The following RAE1 variants were observed in gnomAD, a reference collection of about 807,000 sequenced individuals.
RAE1 encodes ribonucleic acid export 1, also known as mRNA export factor RAE1.
A neutral mutation model predicts 52.7 loss-of-function variants in RAE1; 13 were observed. The ratio of observed to expected loss-of-function variants is 0.25; its 90% CI spans 0.16 to 0.39. RAE1 has a LOEUF of 0.39. Ranked by LOEUF, RAE1 falls within the 10% of genes least tolerant of loss-of-function variation. The probability of loss-of-function intolerance (pLI) is 1.00; values close to 1 mark genes in which losing one functional copy is unlikely to be tolerated. For synonymous variants in RAE1, 164 were observed against 153.1 expected, an observed-to-expected ratio of 1.07 and a Z score of -0.52; for missense variants, 262 against 459.8, an observed-to-expected ratio of 0.57 and a Z score of 3.93.
Position 57,378,015 on chromosome 20 carries a change from A to G in RAE1, c.1023A>G (p.Gly341=). The change falls in exon 12 of 12, where the codon GGA becomes GGG. Residue 341 remains glycine (G), a splice_region_variant and synonymous_variant. Coordinates refer to ENST00000395841, the MANE Select transcript of RAE1 (RefSeq NM_003610.4). ...TTGGTGTTTTTTGCTCTCTTTAGGG[A>G]CATGAATTTTATAATCCCCAGAAAA... ...AYASSYDWSK[G]HEFYNPQKKN... The G allele has an allele frequency of 1.2e-6, 2 of 1,608,100 alleles. No individual in the cohort carries two copies. The highest frequency in any genetic ancestry group is 2.2e-5 in the South Asian group (2 of 90,794).
At chr20:57,362,998 C>G (rs2066910023) in intron 4 of RAE1, among the ~76,000 whole-genome samples, 1 of 152,164 alleles carries the variant, frequency 6.6e-6, no homozygotes, top group Non-Finnish European at 1.5e-5. Flanking sequence ...CGAGACTGAT[C>G]ACAAACTGCT....
intron 8 of RAE1, among the ~76,000 whole-genome samples, chr20:57,370,972 C>T (rs1379381325): frequency 6.6e-6 from 1 of 152,160 alleles, no homozygotes; most frequent in African/African-American, 2.4e-5. Flanking sequence ...TTTGTTATAG[C>T]CAGAAATCTT....
chr20:57,359,084 G>T, intron 4 of RAE1: 4 of 1,383,330 alleles, frequency 2.9e-6, no homozygotes, highest in East Asian at 2.6e-5. Context: ...TGCTACCTTC[G>T]CACGGTCAGG....
At chr20:57,359,072 T>G (rs551754256) in intron 4 of RAE1, 3 of 1,451,674 alleles carry the variant, frequency 2.1e-6, no homozygotes, top group Admixed American at 5.0e-5. Flanking sequence ...AACAAGTGAT[T>G]ATGCTACCTT....
chr20:57,354,267 A>G, intron 2 of RAE1, 139 bp downstream of exon 2: 1 of 687,146 alleles, frequency 1.5e-6, no homozygotes. Context: ...TTTCTGAAAC[A>G]CTGGAGCACA....
chr20:57,356,542 C>G lies in RAE1; in HGVS notation c.288+4C>G. The G allele has an allele frequency of 6.2e-7, 1 of 1,603,446 alleles. No homozygotes were observed. The highest frequency in any genetic ancestry group is 8.5e-7 in the Non-Finnish European group (1 of 1,171,336). On this transcript the variant is annotated splice_donor_region_variant and intron_variant, in intron 4 of 11. Coordinates refer to ENST00000395841, the MANE Select transcript of RAE1 (RefSeq NM_003610.4). ...GCTTGATGTCTGCTGGAGTGACGTACGTTCCCTTCCATTTCTCGTGTTCCA... is the reference window on the plus strand; with the variant it reads ...GCTTGATGTCTGCTGGAGTGACGTAGGTTCCCTTCCATTTCTCGTGTTCCA...
At chr20:57,352,693 A>C (rs765943693) in intron 1 of RAE1, among the ~76,000 whole-genome samples, 1 of 152,210 alleles carries the variant, frequency 6.6e-6, no homozygotes, top group Non-Finnish European at 1.5e-5. Flanking sequence ...AAGAACCTGT[A>C]GTGCTTTAGG....
At position 57,351,436 on chromosome 20, in the gene RAE1, C is replaced by G; in HGVS notation, c.-8+14C>G. The G allele has an allele frequency of 1.0e-6, 1 of 985,462 alleles. No individual in the cohort carries two copies. The highest frequency in any genetic ancestry group is 1.7e-5 in the African/African-American group (1 of 57,370). The allele number at this position is 985,462 out of a possible 1,614,324, so 61.0% of individuals were successfully genotyped here. A position where few individuals can be genotyped will look rare whatever the true frequency, so the allele number is the denominator to read the frequency against. ...CGAGACCCCCAGGTAGGCCCCGTGC[C>G]GCGCGCGTCCCGTCGTTAACCGCCG... is the stretch of plus-strand genomic sequence containing the variant. On this transcript the variant is annotated intron_variant, in intron 1 of 11. Transcript: ENST00000395841.
chr20:57,376,790 C>G (rs2067122673), intron 11 of RAE1, among the ~76,000 whole-genome samples: 1 of 152,322 alleles, frequency 6.6e-6, no homozygotes. Context: ...GCAGCTGCAT[C>G]AAAATTCTGC....
chr20:57,360,800 T>C (rs2066880651), intron 4 of RAE1, among the ~76,000 whole-genome samples: 1 of 152,200 alleles, frequency 6.6e-6, no homozygotes, highest in Non-Finnish European at 1.5e-5. Context: ...CTTCTGTTTA[T>C]TACTAGATTT....
intron 3 of RAE1, among the ~76,000 whole-genome samples, chr20:57,355,299 G>T (rs567638760): frequency 6.6e-6 from 1 of 152,278 alleles, no homozygotes; most frequent in South Asian, 2.1e-4. Context: ...TAAGCAAAGG[G>T]TGTAAAGAGG....
At chr20:57,351,953 A>G (rs1468283597) in intron 1 of RAE1, 1 of 985,388 alleles carries the variant, frequency 1.0e-6, no homozygotes, top group Non-Finnish European at 1.2e-6. Flanking sequence ...GCCCTGGGCC[A>G]GGCATTGTAC....
chr20:57,360,795 G>A (rs537562805), intron 4 of RAE1, among the ~76,000 whole-genome samples: 1 of 152,160 alleles, frequency 6.6e-6, no homozygotes, highest in Non-Finnish European at 1.5e-5. Context: ...TTAAACTTCT[G>A]TTTATTACTA....
intron 11 of RAE1, among the ~76,000 whole-genome samples, chr20:57,375,672 A>G (rs1231603898): frequency 6.6e-6 from 1 of 151,766 alleles, no homozygotes; most frequent in Non-Finnish European, 1.5e-5. Flanking sequence ...GTCAGCACCT[A>G]CCCTCTTGGT....
intron 7 of RAE1, 73 bp downstream of exon 7, chr20:57,367,152 C>T: frequency 1.5e-6 from 2 of 1,304,448 alleles, no homozygotes; most frequent in East Asian, 4.7e-5. Flanking sequence ...TTGTGGCGTC[C>T]TGCAGTTAGT....
chr20:57,368,577 T>C (rs2066990516), intron 7 of RAE1, 128 bp from the exon 8 acceptor site: 8 of 581,126 alleles, frequency 1.4e-5, no homozygotes, highest in Non-Finnish European at 3.1e-6. Context: ...TAGGTTTTAG[T>C]GAAATATAAT....
intron 4 of RAE1, chr20:57,358,655 G>C (rs1367110450): frequency 4.8e-6 from 1 of 209,740 alleles, no homozygotes; most frequent in Non-Finnish European, 9.4e-6. Context: ...ACTCTTAATA[G>C]CGGCTACACC....
At chr20:57,368,670 C>T (rs760031763) in intron 7 of RAE1, 35 bp from the exon 8 acceptor site, 4 of 1,473,942 alleles carry the variant, frequency 2.7e-6, no homozygotes, top group East Asian at 4.5e-5. Context: ...CACTCCTTCA[C>T]CTGAAGCGCA....
chr20:57,365,382 G>T lies in RAE1; in HGVS notation c.315G>T (p.Ser105=). 3 of 1,609,884 alleles carry T rather than the reference G, an allele frequency of 1.9e-6. No homozygotes were observed. The highest frequency in any genetic ancestry group is 1.7e-6 in the Non-Finnish European group (2 of 1,177,378). The change falls in exon 5 of 12, where the codon TCG becomes TCT. Residue 105 remains serine, a synonymous_variant. Transcript: ENST00000395841. ...SDDGSKVFTA[S]CDKTAKMWDL... is the part of the protein sequence containing the mutation. Reference sequence around the variant, plus strand: ...ATGGGAGCAAAGTGTTTACGGCATCGTGTGATAAAACTGCCAAAATGTGGG... The same window carrying T: ...ATGGGAGCAAAGTGTTTACGGCATCTTGTGATAAAACTGCCAAAATGTGGG...
Sources: allele counts gnomAD v4.1 joint callset (sites outside exome capture counted in the v4.1 genomes callset), GRCh38; gene constraint gnomAD v4.1.1; transcripts MANE v1.5; gene names NCBI Gene and HGNC (gene_info 2026-07-23, HGNC 2026-07-21).